Variants in CLUL1 observed in about 807,000 individuals in gnomAD.
CLUL1 encodes the protein clusterin like 1.
A neutral mutation model predicts 49.4 loss-of-function variants in CLUL1; 43 were observed. That is an observed-to-expected ratio of 0.87 (90% CI 0.68 to 1.12). CLUL1 has a LOEUF of 1.12. CLUL1 is among the 50% of genes most tolerant of loss of function. CLUL1 has a pLI of 0.00. For synonymous variants in CLUL1, 192 were observed against 184.9 expected (o/e 1.04, Z -0.31); for missense variants, 486 against 544.4 (o/e 0.89, Z 1.07).
intron 1 of CLUL1, among the ~76,000 whole-genome samples, chr18:603,090 ATT>A (rs1377193890): frequency 6.6e-6 from 1 of 152,232 alleles, no homozygotes; most frequent in African/African-American, 2.4e-5. Context: ...AACTAGATGG[ATT>A]TAAGTATGGG....
chr18:632,132 A>G (rs1222632885), intron 6 of CLUL1, among the ~76,000 whole-genome samples: 1 of 152,234 alleles, frequency 6.6e-6, no homozygotes, highest in African/African-American at 2.4e-5. Context: ...CCTAATGTCA[A>G]ACACTCTATT....
chr18:599,961 A>T (rs1003024952), intron 1 of CLUL1, among the ~76,000 whole-genome samples: 1 of 151,802 alleles, frequency 6.6e-6, no homozygotes, highest in Non-Finnish European at 1.5e-5. Context: ...AAAAAAAAAA[A>T]ATTAATAATA....
chr18:645,383 G>A, intron 9 of CLUL1, among the ~76,000 whole-genome samples: 1 of 152,112 alleles, frequency 6.6e-6, no homozygotes. Flanking sequence ...TGCATATGAA[G>A]AGCCATAAAA....
In CLUL1 at chr18:618,341, T is replaced by G. The variant is rs150626497; in HGVS notation, c.106+235T>G. On this transcript the variant is annotated intron_variant, in intron 3 of 9. Coordinates refer to ENST00000692774, the MANE Select transcript of CLUL1 (RefSeq NM_001393344.1). The surrounding 1 kb of genome is among the most constrained non-coding windows in gnomAD (Gnocchi z 4.2). ...GATGTTTGTATCATGTAGATACAAC[T>G]TGCCAGTTTTTTCACTGCATTTTTT... Among the ~76,000 whole-genome samples the G allele has an allele frequency of 1.6e-3, 240 of 152,336 alleles. 2 individuals carry two copies. Among genetic ancestry groups the G allele is most frequent in the African/African-American group, 5.4e-3 (225 of 41,576 alleles).
In CLUL1 at chr18:607,037, G is replaced by C. The variant is rs1434773399; in HGVS notation, c.-76G>C. On this transcript the variant is annotated 5_prime_UTR_variant, in exon 2 of 10. Transcript: ENST00000692774. ...AGTGGCATGTTCATAGCTCACTGAAGCCTCAAATTCCTGGGTTCAAGTGAC... is the reference window on the plus strand; with the variant it reads ...AGTGGCATGTTCATAGCTCACTGAACCCTCAAATTCCTGGGTTCAAGTGAC... 5.7e-6 allele frequency: 4 copies of C among 701,182 alleles called. No homozygotes were observed. In the African/African-American group the frequency reaches 7.0e-5, roughly 12 times the overall value. 43.4% of individuals were successfully genotyped at this position (701,182 alleles called of 1,614,324 possible).
intron 8 of CLUL1, among the ~76,000 whole-genome samples, chr18:643,810 A>G (rs1044669377): frequency 3.3e-5 from 5 of 152,220 alleles, no homozygotes; most frequent in Non-Finnish European, 7.3e-5. Flanking sequence ...CAATGACCCT[A>G]TAAAGGAAGT....
intron 1 of CLUL1, among the ~76,000 whole-genome samples, chr18:605,413 A>G (rs1169723816): frequency 6.6e-6 from 1 of 151,982 alleles, no homozygotes; most frequent in Non-Finnish European, 1.5e-5. Flanking sequence ...GGATTGCTTG[A>G]GCCTAAGAAT....
At chr18:620,850 C>T (rs1033338525) in intron 4 of CLUL1, among the ~76,000 whole-genome samples, 1 of 152,114 alleles carries the variant, frequency 6.6e-6, no homozygotes, top group African/African-American at 2.4e-5. Context: ...TAACATCACA[C>T]TCAAAACAAT....
At chr18:641,597 A>C in intron 8 of CLUL1, 56 bp downstream of exon 8, 6 of 1,388,474 alleles carry the variant, frequency 4.3e-6, no homozygotes, top group Non-Finnish European at 6.1e-6. Flanking sequence ...CCTTGATTTC[A>C]CTGTTAATTT....
At chr18:619,469 T>A in intron 4 of CLUL1, 108 bp downstream of exon 4, 1 of 1,041,090 alleles carries the variant, frequency 9.6e-7, no homozygotes, top group Non-Finnish European at 1.3e-6. Context: ...ATAAATTTCA[T>A]GGGTAGCTGC....
chr18:610,996 C>T (rs1431052106), intron 2 of CLUL1, among the ~76,000 whole-genome samples: 1 of 152,202 alleles, frequency 6.6e-6, no homozygotes, highest in Non-Finnish European at 1.5e-5. Flanking sequence ...AATTCTGAGG[C>T]TCCTGTCCTA....
At chr18:628,966 CCTAT>C (rs1487454170) in intron 6 of CLUL1, among the ~76,000 whole-genome samples, 2 of 152,054 alleles carry the variant, frequency 1.3e-5, no homozygotes, top group African/African-American at 4.8e-5. Context: ...CACTCCTGAC[CCTAT>C]CTGACTATTT....
At chr18:619,120 TA>T in intron 3 of CLUL1, 92 bp from the exon 4 acceptor site, 1 of 1,219,024 alleles carries the variant, frequency 8.2e-7, no homozygotes, top group Non-Finnish European at 1.2e-6. Flanking sequence ...AGAGAACAAT[TA>T]AGCCTCTCTT....
At chr18:616,714 C>T (rs997240480) in intron 2 of CLUL1, 3 of 983,904 alleles carry the variant, frequency 3.0e-6, no homozygotes, top group Admixed American at 1.2e-4. Flanking sequence ...AAACGAAGGT[C>T]CTTCCAGAAG....
In CLUL1 at chr18:627,286, A is replaced by G. The variant is rs777700996; in HGVS notation, c.613A>G (p.Met205Val). Residue 205 changes from methionine (M) to valine (V), a missense_variant, in exon 6 of 10, where the codon ATG becomes GTG. Coordinates refer to ENST00000692774, the MANE Select transcript of CLUL1 (RefSeq NM_001393344.1). The stretch of plus-strand genomic sequence containing the variant: ...CAGGAGTTTTAACGTCTTCAGACAG[A>G]TGCAGCAAGAGTTTGACCAGACTTT... ...FNRSFNVFRQ[M>V]QQEFDQTFQS... The G allele has an allele frequency of 1.9e-6, 3 of 1,614,084 alleles. No homozygotes were observed. The highest frequency in any genetic ancestry group is 1.1e-5 in the South Asian group (1 of 91,076).
At chr18:643,134 A>C (rs1189018691) in intron 8 of CLUL1, among the ~76,000 whole-genome samples, 2 of 152,240 alleles carry the variant, frequency 1.3e-5, no homozygotes, top group East Asian at 3.8e-4. Flanking sequence ...AACCATACAA[A>C]AAATAGAATA....
At chr18:599,958 A>AT (rs1236309582) in intron 1 of CLUL1, among the ~76,000 whole-genome samples, 1 of 151,894 alleles carries the variant, frequency 6.6e-6, no homozygotes, top group African/African-American at 2.4e-5. Context: ...AAAAAAAAAA[A>AT]AAAATTAATA....
At chr18:639,696 CAG>C (rs1246468361) in intron 7 of CLUL1, among the ~76,000 whole-genome samples, 1 of 151,922 alleles carries the variant, frequency 6.6e-6, no homozygotes, top group Non-Finnish European at 1.5e-5. Context: ...TCCCAGGAAG[CAG>C]AGGTTGCAGT....
chr18:640,815 T>C (rs2074322502), intron 7 of CLUL1, among the ~76,000 whole-genome samples: 1 of 152,208 alleles, frequency 6.6e-6, no homozygotes, highest in Non-Finnish European at 1.5e-5. Context: ...CTGATAAATA[T>C]AAAATATTTT....
Sources: gnomAD v4.1 joint callset for allele counts (sites outside exome capture counted in the v4.1 genomes callset) on GRCh38, gnomAD v4.1.1 for gene constraint, Gnocchi (gnomAD v3.1) non-coding constraint, MANE v1.5 for transcripts, NCBI Gene and HGNC (gene_info 2026-07-23, HGNC 2026-07-21) for gene names.